Variants in DBT observed in about 807,000 individuals in gnomAD.
The protein encoded by DBT is dihydrolipoamide branched chain transacylase E2.
In DBT, 40 loss-of-function variants were observed where a neutral mutation model predicts 51.3. The observed-to-expected ratio is 0.78, with a 90% CI of 0.61 to 1.02. DBT has a LOEUF of 1.02. DBT is among the 50% of genes least tolerant of loss of function. The pLI is 0.00. For missense variants in DBT, 510 were observed against 580.2 expected (o/e 0.88, Z 1.24); for synonymous variants, 181 against 190.4 (o/e 0.95, Z 0.41).
At chr1:100,209,761 CA>C (rs1379644293) in intron 8 of DBT, among the ~76,000 whole-genome samples, 9 of 151,710 alleles carry the variant, frequency 5.9e-5, no homozygotes, top group African/African-American at 9.7e-5. Context: ...AGGGTTTCAC[CA>C]TGTTGGCCAG....
chr1:100,225,944 A>G (rs1663173314), intron 4 of DBT, among the ~76,000 whole-genome samples: 1 of 152,024 alleles, frequency 6.6e-6, no homozygotes, highest in South Asian at 2.1e-4. Context: ...GGCTATAATG[A>G]GCTATGATCG....
In DBT at chr1:100,240,846, A is replaced by G. The variant is rs377306925; in HGVS notation, c.90T>C (p.His30=). The G allele has an allele frequency of 5.6e-6, 9 of 1,613,100 alleles. No homozygotes were observed. The African/African-American group carries it at 1.1e-4, about 19-fold the overall frequency. The change falls in exon 2 of 11, where the codon CAT becomes CAC. Residue 30 remains histidine (H), a synonymous_variant. Transcript: ENST00000370132. ...VRYFQTCGNV[H]VLKPNYVCFF... ...AACACACATAATTTGGCTTCAAAAC[A>G]TGAACATTACCACATGTTTGAAAAT... is the stretch of plus-strand genomic sequence containing the variant.
At position 100,194,496 on chromosome 1, in the gene DBT, C is replaced by G. The variant is rs760370158; in HGVS notation, c.*1759G>C. 1.3e-5 allele frequency: 2 copies of G among 152,324 alleles called. No homozygotes were observed. The highest frequency in any genetic ancestry group is 2.9e-5 in the Non-Finnish European group (2 of 68,214). 9.4% of individuals were successfully genotyped at this position (152,324 alleles called of 1,614,324 possible). ...GGGACTACAGGCGTGTGCCACCAGGCCCAGGTAATTTTTTGTATTTTTACA... is the reference window on the plus strand; with the variant it reads ...GGGACTACAGGCGTGTGCCACCAGGGCCAGGTAATTTTTTGTATTTTTACA... On this transcript the variant is annotated 3_prime_UTR_variant, in exon 11 of 11. Coordinates refer to ENST00000370132, the MANE Select transcript of DBT (RefSeq NM_001918.5).
rs1661064206 is a variant in DBT, at chr1:100,195,921, T to A, written c.*334A>T. On this transcript the variant is annotated 3_prime_UTR_variant, in exon 11 of 11. Transcript: ENST00000370132. ...CTCAGGTGATCCGCCCACCTGGGCC[T>A]CCCAAAGTGCTGGGATTACAGGCGT... 1 of 314,072 alleles carries A rather than the reference T, an allele frequency of 3.2e-6. No homozygotes were observed. 19.5% of individuals were successfully genotyped at this position (314,072 alleles called of 1,614,324 possible). A position where few individuals can be genotyped will look rare whatever the true frequency, so the allele number is the denominator to read the frequency against.
intron 4 of DBT, among the ~76,000 whole-genome samples, chr1:100,226,593 C>G (rs1663231524): frequency 6.6e-6 from 1 of 152,006 alleles, no homozygotes. Context: ...CCAATAATGT[C>G]TTTCAAAAGA....
intron 4 of DBT, among the ~76,000 whole-genome samples, chr1:100,229,588 A>G (rs1663417589): frequency 6.6e-6 from 1 of 152,238 alleles, no homozygotes; most frequent in African/African-American, 2.4e-5. Flanking sequence ...AGATTGTAAT[A>G]TTAGTTATTG....
In DBT at chr1:100,230,737, T is replaced by C; in HGVS notation, c.429A>G (p.Leu143=). Residue 143 remains leucine (L), a synonymous_variant, in exon 4 of 11, where the codon TTA becomes TTG. Coordinates refer to ENST00000370132, the MANE Select transcript of DBT (RefSeq NM_001918.5). ...KPLVDIETEA[L]KDSEEDVVET... Reference sequence around the variant, plus strand: ...AGATTAACAGACTTACAATACCTTTTAAAGCTTCCGTTTCTATGTCTACTA... The same window carrying C: ...AGATTAACAGACTTACAATACCTTTCAAAGCTTCCGTTTCTATGTCTACTA... 1 of 1,604,450 alleles carries C rather than the reference T, an allele frequency of 6.2e-7. No homozygotes were observed. Among genetic ancestry groups the C allele is most frequent in the Non-Finnish European group, 8.5e-7 (1 of 1,172,902 alleles).
intron 3 of DBT, 57 bp downstream of exon 3, chr1:100,235,379 T>C (rs1663808559): frequency 1.2e-6 from 1 of 856,336 alleles, no homozygotes; most frequent in Non-Finnish European, 1.9e-6. Context: ...TAAAAATAGT[T>C]ATTTTTACTC....
At chr1:100,228,247 A>G (rs1456493631) in intron 4 of DBT, among the ~76,000 whole-genome samples, 3 of 152,188 alleles carry the variant, frequency 2.0e-5, no homozygotes, top group Non-Finnish European at 4.4e-5. Context: ...CAAATCCAAA[A>G]AGTTTGACAT....
chr1:100,210,199 T>C (rs2100787101), intron 8 of DBT, among the ~76,000 whole-genome samples: 1 of 151,558 alleles, frequency 6.6e-6, no homozygotes, highest in South Asian at 2.1e-4. Context: ...TAGTCCCAGC[T>C]ACACAGGAGG....
At chr1:100,247,533 T>C (rs1182549909) in intron 1 of DBT, among the ~76,000 whole-genome samples, 1 of 151,414 alleles carries the variant, frequency 6.6e-6, no homozygotes, top group Non-Finnish European at 1.5e-5. Context: ...ACCCCGTCTC[T>C]ACTAAAAATA....
At position 100,195,677 on chromosome 1, in the gene DBT, G is replaced by A. The variant is rs1661044737; in HGVS notation, c.*578C>T. The A allele has an allele frequency of 6.5e-6, 1 of 153,904 alleles. No homozygotes were observed. The highest frequency in any genetic ancestry group is 1.4e-5 in the Non-Finnish European group (1 of 69,372). 9.5% of individuals were successfully genotyped at this position (153,904 alleles called of 1,614,324 possible). Reference sequence around the variant, plus strand: ...TTAGTAACATGAATTTTGTTTTTTTGTTTTTGAGATGGCGTCTTGCTCTGT... The same window carrying A: ...TTAGTAACATGAATTTTGTTTTTTTATTTTTGAGATGGCGTCTTGCTCTGT... On this transcript the variant is annotated 3_prime_UTR_variant, in exon 11 of 11. Transcript: ENST00000370132.
intron 7 of DBT, chr1:100,213,794 G>C: frequency 6.9e-7 from 1 of 1,440,146 alleles, no homozygotes; most frequent in Non-Finnish European, 9.1e-7. Flanking sequence ...GACCGATGTG[G>C]CACACGCCAG....
chr1:100,206,397 A>G, intron 9 of DBT, 48 bp downstream of exon 9: 1 of 1,561,488 alleles, frequency 6.4e-7, no homozygotes, highest in Non-Finnish European at 8.8e-7. Context: ...TAAGCATATG[A>G]TCAGAAACCT....
intron 2 of DBT, among the ~76,000 whole-genome samples, chr1:100,237,033 T>C (rs1290734756): frequency 1.3e-5 from 2 of 152,226 alleles, no homozygotes; most frequent in African/African-American, 4.8e-5. Flanking sequence ...GCCGAGTCTA[T>C]TTCACCAGTT....
chr1:100,204,835 G>A (rs1661668997), intron 10 of DBT, among the ~76,000 whole-genome samples: 1 of 152,136 alleles, frequency 6.6e-6, no homozygotes, highest in South Asian at 2.1e-4. Context: ...TGACAAACCT[G>A]ACAAAAACAA....
At position 100,196,436 on chromosome 1, in the gene DBT, A is replaced by AG. The variant is rs1661102467; in HGVS notation, c.1282-15_1282-14insC. The AG allele has an allele frequency of 5.9e-6, 1 of 170,770 alleles. No homozygotes were observed. Among genetic ancestry groups the AG allele is most frequent in the Non-Finnish European group, 1.0e-5 (1 of 97,424 alleles). The allele number at this position is 170,770 out of a possible 1,614,324, so 10.6% of individuals were successfully genotyped here. ...TCGGGGAATGGCCTAGAAATGAAAA[A>AG]AAAAAAAAAAAAAAAAAAAAAAAGA... On this transcript the variant is annotated splice_polypyrimidine_tract_variant and intron_variant, in intron 10 of 10. Transcript: ENST00000370132.
rs1226490975 is a variant in DBT at position 100,249,811 on chromosome 1, C to A, written c.10G>T (p.Val4Phe). ...CTGCTCCAGGTTCTCAGCATACGGA[C>A]TGCAGCCATCTTACCCCGGAAATGA... MAA[V>F]RMLRTWSRNA... Residue 4 changes from valine to phenylalanine, a missense_variant, in exon 1 of 11, where the codon GTC becomes TTC. Val to Phe is a conservative substitution (Grantham distance 50). Transcript: ENST00000370132. 3.7e-6 allele frequency: 6 copies of A among 1,614,112 alleles called. No homozygotes were observed. Among genetic ancestry groups the A allele is most frequent in the Non-Finnish European group, 5.1e-6 (6 of 1,180,044 alleles).
Position 100,188,246 on chromosome 1 carries a change from A to G in DBT, c.*8009T>C, listed in dbSNP as rs145830201. ...AACTGTTAGTCCTGTTCTGATTTAT[A>G]TTCATCCCTGCCATTCCTATTAACT... On this transcript the variant is annotated 3_prime_UTR_variant, in exon 11 of 11. Transcript: ENST00000370132. The G allele has an allele frequency of 1.3e-5, 2 of 152,294 alleles. No individual in the cohort carries two copies. The highest frequency in any genetic ancestry group is 3.9e-4 in the East Asian group (2 of 5,188). The allele number at this position is 152,294 out of a possible 1,614,324, so 9.4% of individuals were successfully genotyped here.
Sources: gnomAD v4.1 joint callset for allele counts (sites outside exome capture counted in the v4.1 genomes callset) on GRCh38, gnomAD v4.1.1 for gene constraint, MANE v1.5 for transcripts, NCBI Gene and HGNC (gene_info 2026-07-23, HGNC 2026-07-21) for gene names.